UBE2Z: variants seen among roughly 807,000 people sequenced by gnomAD.
UBE2Z encodes the protein ubiquitin-conjugating enzyme E2 Z.
UBE2Z carries 10 observed loss-of-function variants against 32.6 expected under a neutral mutation model. The observed-to-expected ratio is 0.31, with a 90% confidence interval of 0.19 to 0.52. The LOEUF (loss-of-function observed/expected upper bound fraction) is 0.52. Ranked by LOEUF, UBE2Z falls within the 20% of genes least tolerant of loss-of-function variation. The probability of loss-of-function intolerance (pLI) is 0.97; values close to 1 mark genes in which losing one functional copy is unlikely to be tolerated. For missense variants in UBE2Z, 343 were observed against 480.9 expected (o/e 0.71, Z 2.68); for synonymous variants, 183 against 190.8 (o/e 0.96, Z 0.34).
chr17:48,915,467 A>G lies in UBE2Z; in HGVS notation c.579-609A>G, dbSNP rs1048388119. Among the ~76,000 whole-genome samples, 7 of 152,150 alleles carry G rather than the reference A, an allele frequency of 4.6e-5. No homozygotes were observed. In the South Asian group the frequency reaches 8.3e-4, roughly 18 times the overall value. ...GTTGGGTTTATGAAAGAGAGGAGCAATTTTGGTATTTGACGTTTTCCATAT... is the reference window on the plus strand; with the variant it reads ...GTTGGGTTTATGAAAGAGAGGAGCAGTTTTGGTATTTGACGTTTTCCATAT... On this transcript the variant is annotated intron_variant, in intron 3 of 6. Transcript: ENST00000360943.
chr17:48,911,940 A>T (rs1431518317), intron 2 of UBE2Z: 1 of 152,164 alleles, frequency 6.6e-6, no homozygotes, highest in East Asian at 1.9e-4. Context: ...GCCTTTGTGG[A>T]AGAAGAAATA....
At chr17:48,916,384 C>G (rs1353705751) in intron 4 of UBE2Z, among the ~76,000 whole-genome samples, 197 bp downstream of exon 4, 3 of 151,574 alleles carry the variant, frequency 2.0e-5, no homozygotes, top group Non-Finnish European at 4.4e-5. Flanking sequence ...TCCCAAGTAG[C>G]TGGGACTACA....
At position 48,910,799 on chromosome 17, in the gene UBE2Z, G is replaced by A. The variant is rs1357379460; in HGVS notation, c.318-9G>A. On this transcript the variant is annotated splice_polypyrimidine_tract_variant and intron_variant, in intron 1 of 6. Coordinates refer to ENST00000360943, the MANE Select transcript of UBE2Z (RefSeq NM_023079.5). ...ACTCCTTCCCCCACCTCCTCTTGGT[G>A]TTATACAGGGATATCATGTCCATTT... 1.2e-6 allele frequency: 2 copies of A among 1,608,932 alleles called. No individual in the cohort carries two copies. The highest frequency in any genetic ancestry group is 1.1e-5 in the South Asian group (1 of 90,972).
At chr17:48,925,160 G>A (rs1413348483) in intron 6 of UBE2Z, among the ~76,000 whole-genome samples, 1 of 151,762 alleles carries the variant, frequency 6.6e-6, no homozygotes, top group Non-Finnish European at 1.5e-5. Flanking sequence ...GTGCGTGCCT[G>A]TGGTCCCAGC....
chr17:48,923,839 C>T (rs2143775648), intron 6 of UBE2Z, among the ~76,000 whole-genome samples: 1 of 152,014 alleles, frequency 6.6e-6, no homozygotes, highest in Admixed American at 6.6e-5. Flanking sequence ...CTCAAGCAGT[C>T]CTCCCACCTC....
intron 5 of UBE2Z, among the ~76,000 whole-genome samples, chr17:48,922,157 GGAA>G (rs1229341808): frequency 1.3e-5 from 2 of 152,100 alleles, no homozygotes; most frequent in African/African-American, 4.8e-5. Flanking sequence ...GGGAGGCCAA[GGAA>G]GGCAGATCAC....
intron 1 of UBE2Z, 70 bp from the exon 2 acceptor site, chr17:48,910,738 C>A (rs1421017629): frequency 2.5e-6 from 3 of 1,194,760 alleles, no homozygotes; most frequent in African/African-American, 1.5e-5. Context: ...TAACAACTGT[C>A]CTGCTCAAGG....
At position 48,910,871 on chromosome 17, in the gene UBE2Z, C is replaced by T. The variant is rs759780180; in HGVS notation, c.381C>T (p.Asp127=). ...PGMFVVPDTV[D]MTKIHALITG... The stretch of plus-strand genomic sequence containing the variant: ...TGTTCGTTGTACCTGATACTGTTGA[C>T]ATGACTAAGGTATGTAACTTGATGG... Residue 127 remains aspartate (D), a synonymous_variant, in exon 2 of 7, where the codon GAC becomes GAT. Coordinates refer to ENST00000360943, the MANE Select transcript of UBE2Z (RefSeq NM_023079.5). The T allele has an allele frequency of 4.3e-6, 7 of 1,613,048 alleles. No homozygotes were observed. Among genetic ancestry groups the T allele is most frequent in the Non-Finnish European group, 5.9e-6 (7 of 1,179,374 alleles).
chr17:48,917,287 A>G (rs190611720), intron 4 of UBE2Z, among the ~76,000 whole-genome samples: 1 of 152,312 alleles, frequency 6.6e-6, no homozygotes, highest in African/African-American at 2.4e-5. Flanking sequence ...CCTGAGCGAC[A>G]GAGCGAGACA....
At chr17:48,922,710 T>G in intron 5 of UBE2Z, 137 bp from the exon 6 acceptor site, 1 of 523,246 alleles carries the variant, frequency 1.9e-6, no homozygotes. Context: ...GAGGTCACAG[T>G]GAGCTGAGGT....
At chr17:48,911,912 A>G (rs2040681080) in intron 2 of UBE2Z, 1 of 152,202 alleles carries the variant, frequency 6.6e-6, no homozygotes, top group South Asian at 2.1e-4. Context: ...AATGCTTAGC[A>G]GACCTAAATG....
chr17:48,910,930 A>G (rs966061931), intron 2 of UBE2Z, 50 bp downstream of exon 2: 5 of 1,431,562 alleles, frequency 3.5e-6, no homozygotes, highest in Non-Finnish European at 3.9e-6. Context: ...TGGGGGCCAT[A>G]AGGTTGCAAA....
chr17:48,914,028 G>A (rs1165027289), intron 3 of UBE2Z, among the ~76,000 whole-genome samples: 6 of 152,126 alleles, frequency 3.9e-5, no homozygotes, highest in Admixed American at 3.9e-4. Flanking sequence ...GAGCCTCCAT[G>A]CCTGACCTGA....
intron 3 of UBE2Z, 36 bp downstream of exon 3, chr17:48,913,057 T>G: frequency 6.3e-7 from 1 of 1,599,646 alleles, no homozygotes; most frequent in South Asian, 1.1e-5. Flanking sequence ...AGTCGGTTGT[T>G]AGCAGATAAT....
intron 1 of UBE2Z, chr17:48,910,574 C>G (rs1303358541): frequency 1.6e-5 from 7 of 433,294 alleles, no homozygotes; most frequent in Admixed American, 7.0e-5. Context: ...TCCTCTCTCC[C>G]TCCCCTCCCC....
At chr17:48,912,744 C>A in intron 2 of UBE2Z, 90 bp from the exon 3 acceptor site, 1 of 1,391,362 alleles carries the variant, frequency 7.2e-7, no homozygotes. Context: ...ATGGACTCTG[C>A]TTCTGGTGTG....
At chr17:48,926,567 C>T (rs749411669) in intron 6 of UBE2Z, among the ~76,000 whole-genome samples, 5 of 151,584 alleles carry the variant, frequency 3.3e-5, no homozygotes, top group South Asian at 4.2e-4. Flanking sequence ...CTGCAACCTC[C>T]GCCTCCCGGG....
intron 1 of UBE2Z, among the ~76,000 whole-genome samples, chr17:48,909,941 C>T (rs2040663815): frequency 6.6e-6 from 1 of 152,170 alleles, no homozygotes; most frequent in Non-Finnish European, 1.5e-5. Context: ...GGAGGGATTG[C>T]CACCTCTAAC....
chr17:48,921,139 C>G, intron 4 of UBE2Z, 21 bp from the exon 5 acceptor site: 1 of 1,590,824 alleles, frequency 6.3e-7, no homozygotes, highest in Admixed American at 1.8e-5. Flanking sequence ...TTGGAATACT[C>G]TGGCATCTGT....
Sources: allele counts gnomAD v4.1 joint callset (sites outside exome capture counted in the v4.1 genomes callset), GRCh38; gene constraint gnomAD v4.1.1; transcripts MANE v1.5; gene names NCBI Gene and HGNC (gene_info 2026-07-23, HGNC 2026-07-21).